Variants in NUDT7 observed in about 807,000 individuals in gnomAD.
The protein encoded by NUDT7 is nudix hydrolase 7.
Under a neutral mutation model 13.1 loss-of-function variants are expected in NUDT7, and 19 were observed. That is an observed-to-expected ratio of 1.45 (90% CI 1.01 to 2.13). The LOEUF (loss-of-function observed/expected upper bound fraction) is 2.13, where lower values mean the gene tolerates loss of function less well. Among genes scored for constraint, NUDT7 ranks in the 30% most tolerant of loss-of-function variants. The pLI is 0.00. For synonymous variants in NUDT7, 132 were observed against 109.7 expected (o/e 1.20, Z -1.27); for missense variants, 360 against 291.7 (o/e 1.23, Z -1.71).
chr16:77,733,199 C>T (rs1408085227), intron 2 of NUDT7, among the ~76,000 whole-genome samples: 1 of 152,200 alleles, frequency 6.6e-6, no homozygotes, highest in African/African-American at 2.4e-5. Flanking sequence ...TTGTCATAGT[C>T]CTCTCAAGCT....
At chr16:77,734,787 G>T (rs75342709) in intron 2 of NUDT7, among the ~76,000 whole-genome samples, 2,574 of 152,172 alleles carry the variant, frequency 0.017, 69 homozygotes, top group African/African-American at 0.057. Flanking sequence ...AAAAATGCCA[G>T]ACACAAAAGT....
intron 2 of NUDT7, among the ~76,000 whole-genome samples, chr16:77,733,389 C>T (rs549064391): frequency 6.6e-6 from 1 of 152,300 alleles, no homozygotes; most frequent in South Asian, 2.1e-4. Flanking sequence ...GGCAAAGAGT[C>T]TGTCTCTGGT....
chr16:77,724,991 T>A (rs1170074391), intron 1 of NUDT7, among the ~76,000 whole-genome samples: 3 of 152,196 alleles, frequency 2.0e-5, no homozygotes, highest in African/African-American at 7.2e-5. Context: ...ATTCTGTTGC[T>A]GCTAAAGCTT....
In NUDT7 at chr16:77,736,001, A is replaced by C. The variant is rs916650723; in HGVS notation, c.348+15A>C. The C allele has an allele frequency of 6.2e-7, 1 of 1,613,246 alleles. No individual in the cohort carries two copies. The highest frequency in any genetic ancestry group is 8.5e-7 in the Non-Finnish European group (1 of 1,179,312). On this transcript the variant is annotated intron_variant, in intron 3 of 3. Transcript: ENST00000268533. ...GTCTTATTGATGTAAGGGTTTCCTGAGACACTCATGAGCACCGTCCCCACC... is the reference window on the plus strand; with the variant it reads ...GTCTTATTGATGTAAGGGTTTCCTGCGACACTCATGAGCACCGTCCCCACC...
In NUDT7 at chr16:77,741,753, A is replaced by G; in HGVS notation, c.520A>G (p.Ile174Val). The change falls in exon 4 of 4, where the codon ATC becomes GTC. Residue 174 changes from isoleucine to valine, a missense_variant. Transcript: ENST00000268533. The part of the protein sequence containing the change: ...TRLGHRFINH[I>V]FEYTNPEDGV... ...TCTTGGTCACCGTTTTATTAATCAT[A>G]TCTTTGAGTACACAAACCCTGAAGA... is the stretch of plus-strand genomic sequence containing the variant. The G allele has an allele frequency of 6.2e-7, 1 of 1,614,100 alleles. No homozygotes were observed. Among genetic ancestry groups the G allele is most frequent in the Non-Finnish European group, 8.5e-7 (1 of 1,180,032 alleles).
intron 1 of NUDT7, among the ~76,000 whole-genome samples, chr16:77,724,435 C>CTTTTTT (rs11421866): frequency 6.9e-6 from 1 of 144,950 alleles, no homozygotes. Context: ...CTAATTTATG[C>CTTTTTT]TTTTTTTTTT....
rs116686974 is a variant in NUDT7 at position 77,726,815 on chromosome 16, A to G, written c.189+1231A>G. Among the ~76,000 whole-genome samples, 175 of 152,216 alleles carry G rather than the reference A, an allele frequency of 1.1e-3. 1 individual carries two copies. The highest frequency in any genetic ancestry group is 4.0e-3 in the African/African-American group (166 of 41,554). The stretch of plus-strand genomic sequence containing the variant: ...ATCTCAAAAAAAGAAAGAAAGAAAG[A>G]AAAAGAAATATCTGAGTCTGGGTAA... On this transcript the variant is annotated intron_variant, in intron 2 of 3. Transcript: ENST00000268533.
At chr16:77,738,163 A>G (rs1597119047) in intron 3 of NUDT7, among the ~76,000 whole-genome samples, 1 of 152,228 alleles carries the variant, frequency 6.6e-6, no homozygotes, top group East Asian at 1.9e-4. Flanking sequence ...CAAATCCACC[A>G]GCATTTGGAG....
chr16:77,724,066 G>C (rs2014051200), intron 1 of NUDT7, among the ~76,000 whole-genome samples: 1 of 152,168 alleles, frequency 6.6e-6, no homozygotes, highest in African/African-American at 2.4e-5. Context: ...TCATGGCTAT[G>C]AAGCCTGGAA....
At chr16:77,734,351 CGG>C (rs2014410360) in intron 2 of NUDT7, among the ~76,000 whole-genome samples, 1 of 151,906 alleles carries the variant, frequency 6.6e-6, no homozygotes, top group South Asian at 2.1e-4. Flanking sequence ...TGGCTGGGTG[CGG>C]TGGCTCACGC....
rs945276856 is a variant in NUDT7, at chr16:77,742,254, T to C, written c.*304T>C. The C allele has an allele frequency of 1.9e-6, 1 of 523,588 alleles. No individual in the cohort carries two copies. The allele number at this position is 523,588 out of a possible 1,614,324, so 32.4% of individuals were successfully genotyped here. ...AGGCCCTTAATAAAGATTTTTTGAA[T>C]ATATAACCATGTGGCATTTACCTTA... On this transcript the variant is annotated 3_prime_UTR_variant, in exon 4 of 4. Coordinates refer to ENST00000268533, the MANE Select transcript of NUDT7 (RefSeq NM_001105663.3).
In NUDT7 at chr16:77,725,427, T is replaced by C; in HGVS notation, c.36-4T>C. 6.2e-7 allele frequency: 1 copy of C among 1,607,004 alleles called. No individual in the cohort carries two copies. The highest frequency in any genetic ancestry group is 8.5e-7 in the Non-Finnish European group (1 of 1,176,122). On this transcript the variant is annotated splice_region_variant and splice_polypyrimidine_tract_variant and intron_variant, in intron 1 of 3. Coordinates refer to ENST00000268533, the MANE Select transcript of NUDT7 (RefSeq NM_001105663.3). ...AATGTCTGTCTGGTTTGTTTTTATT[T>C]TAGAAACAGTTTGCTAGATGATGCT...
chr16:77,724,248 A>G (rs781157173), intron 1 of NUDT7, among the ~76,000 whole-genome samples: 2 of 151,640 alleles, frequency 1.3e-5, no homozygotes, highest in African/African-American at 2.4e-5. Flanking sequence ...GCATCTCTCC[A>G]TGTTTTTTCT....
chr16:77,741,591 T>G lies in NUDT7; in HGVS notation c.358T>G (p.Leu120Val), dbSNP rs374770134. Residue 120 changes from leucine to valine, a missense_variant, in exon 4 of 4, where the codon TTG (leucine) becomes GTG (valine). Physicochemically the swap from Leu to Val is conservative, Grantham distance 32 (BLOSUM62 1). Coordinates refer to ENST00000268533, the MANE Select transcript of NUDT7 (RefSeq NM_001105663.3). ...LVPCLIDTDT[L>V]ITPFVGLIDH... ...TGTTTTCTGCTTTTAGACAGATACA[T>G]TGATAACTCCATTTGTGGGTTTAAT... 6.2e-7 allele frequency: 1 copy of G among 1,605,550 alleles called. No homozygotes were observed. The highest frequency in any genetic ancestry group is 2.2e-5 in the East Asian group (1 of 44,820).
chr16:77,730,773 AC>A (rs1687125880), intron 2 of NUDT7, among the ~76,000 whole-genome samples: 1 of 151,502 alleles, frequency 6.6e-6, no homozygotes, highest in African/African-American at 2.4e-5. Context: ...AACAACACTT[AC>A]GTTTTGTTTT....
chr16:77,727,342 T>TA (rs564003535), intron 2 of NUDT7, among the ~76,000 whole-genome samples: 36 of 150,560 alleles, frequency 2.4e-4, no homozygotes, highest in East Asian at 5.8e-4. Context: ...GTATTTTGTT[T>TA]AAAAAAAAAA....
At chr16:77,741,473 C>A in intron 3 of NUDT7, 109 bp from the exon 4 acceptor site, 1 of 1,162,920 alleles carries the variant, frequency 8.6e-7, no homozygotes, top group Non-Finnish European at 1.2e-6. Flanking sequence ...TCTTCCCCTT[C>A]TCCCAGGTTC....
intron 3 of NUDT7, among the ~76,000 whole-genome samples, chr16:77,740,593 G>T (rs1400478110): frequency 6.6e-6 from 1 of 152,112 alleles, no homozygotes; most frequent in African/African-American, 2.4e-5. Context: ...ACCCAGGCTG[G>T]AGTGCAGTGG....
At chr16:77,736,685 C>G (rs769824035) in intron 3 of NUDT7, 2 of 285,714 alleles carry the variant, frequency 7.0e-6, no homozygotes, top group Non-Finnish European at 1.5e-5. Context: ...AGGCTGGTCT[C>G]GAGCTCCTGG....
Sources: gnomAD v4.1 joint callset for allele counts (sites outside exome capture counted in the v4.1 genomes callset) on GRCh38, gnomAD v4.1.1 for gene constraint, MANE v1.5 for transcripts, NCBI Gene and HGNC (gene_info 2026-07-23, HGNC 2026-07-21) for gene names.